Variants in CACNG3 observed in about 807,000 individuals in gnomAD.
The protein encoded by CACNG3 is voltage-dependent calcium channel gamma-3 subunit.
In CACNG3, 3 loss-of-function variants were observed where a neutral mutation model predicts 28.5. The observed-to-expected ratio is 0.11, with a 90% CI of 0.05 to 0.27. The LOEUF is 0.27. Among genes scored for constraint, CACNG3 ranks in the 10% least tolerant of loss-of-function variants. The pLI is 1.00. For synonymous variants in CACNG3, 174 were observed against 162.2 expected (o/e 1.07, Z -0.55); for missense variants, 236 against 414.4 (o/e 0.57, Z 3.74).
chr16:24,309,923 C>T (rs986507662), intron 1 of CACNG3, among the ~76,000 whole-genome samples: 22 of 152,190 alleles, frequency 1.4e-4, no homozygotes, highest in African/African-American at 4.8e-4. Context: ...TGCTACATCG[C>T]GGGGACTTCA....
At chr16:24,332,240 C>T (rs1024377438) in intron 1 of CACNG3, among the ~76,000 whole-genome samples, 13 of 152,064 alleles carry the variant, frequency 8.5e-5, no homozygotes, top group African/African-American at 2.7e-4. Context: ...AGGTGGCAGA[C>T]CAATTGAGGC....
chr16:24,292,145 G>A (rs1397892334), intron 1 of CACNG3, among the ~76,000 whole-genome samples: 1 of 152,122 alleles, frequency 6.6e-6, no homozygotes, highest in Non-Finnish European at 1.5e-5. Context: ...TGAGCAAGGT[G>A]GCAGCTAAGT....
In CACNG3 at chr16:24,361,421, C is replaced by T; in HGVS notation, c.506C>T (p.Ser169Phe). 1 of 1,613,958 alleles carries T rather than the reference C, an allele frequency of 6.2e-7. No homozygotes were observed. Among genetic ancestry groups the T allele is most frequent in the Non-Finnish European group, 8.5e-7 (1 of 1,179,932 alleles). The change falls in exon 4 of 4, where the codon TCC becomes TTC. Residue 169 changes from serine (S) to phenylalanine (F), a missense_variant. By Grantham distance (155) the Ser-to-Phe change is radical. Around this residue, in one of 2 missense-constraint regions of CACNG3, gnomAD observed 120 missense variants for 263.4 expected, o/e 0.46. Transcript: ENST00000005284. The surrounding 1 kb of genome is among the most constrained non-coding windows in gnomAD (Gnocchi z 6.8). Reference protein sequence around the residue: ...ANAGDPGQRDSKKSYSYGWSF... With the variant: ...ANAGDPGQRDFKKSYSYGWSF... ...GCCGGAGACCCCGGGCAGCGTGACT[C>T]CAAAAAAAGTTACTCCTATGGTTGG...
At chr16:24,305,004 C>T (rs1253658914) in intron 1 of CACNG3, among the ~76,000 whole-genome samples, 2 of 152,192 alleles carry the variant, frequency 1.3e-5, no homozygotes, top group African/African-American at 2.4e-5. Flanking sequence ...TTGGTCTCCA[C>T]GCACATCCTT....
At chr16:24,320,717 A>G (rs1899444439) in intron 1 of CACNG3, among the ~76,000 whole-genome samples, 1 of 152,164 alleles carries the variant, frequency 6.6e-6, no homozygotes, top group African/African-American at 2.4e-5. Context: ...GAAACAATTC[A>G]TACGTTTTTC....
intron 1 of CACNG3, among the ~76,000 whole-genome samples, chr16:24,317,231 G>A (rs911458399): frequency 2.2e-4 from 33 of 152,004 alleles, no homozygotes; most frequent in African/African-American, 8.0e-4. Flanking sequence ...ATTCAAACAA[G>A]GTTACATGGG....
At chr16:24,320,798 C>T (rs1289076605) in intron 1 of CACNG3, among the ~76,000 whole-genome samples, 2 of 152,166 alleles carry the variant, frequency 1.3e-5, no homozygotes, top group Non-Finnish European at 2.9e-5. Flanking sequence ...GGCATGATCA[C>T]GTCTCACTGC....
chr16:24,282,071 T>A lies in CACNG3; in HGVS notation c.211+25106T>A, dbSNP rs577638323. 7.9e-5 allele frequency among the ~76,000 whole-genome samples: 12 copies of A among 152,352 alleles called. No individual in the cohort carries two copies. The South Asian group carries it at 2.1e-3, about 26-fold the overall frequency. ...TAGGGTAGGGTTACCAGATGTCCAC[T>A]GCAACGCAGCAGTTTTCAGTGACAG... On this transcript the variant is annotated intron_variant, in intron 1 of 3. Coordinates refer to ENST00000005284, the MANE Select transcript of CACNG3 (RefSeq NM_006539.4).
intron 1 of CACNG3, among the ~76,000 whole-genome samples, chr16:24,292,805 G>A (rs1477390630): frequency 6.6e-6 from 1 of 152,160 alleles, no homozygotes; most frequent in African/African-American, 2.4e-5. Context: ...TAAAATCAAA[G>A]CCAGAATGAA....
intron 1 of CACNG3, among the ~76,000 whole-genome samples, chr16:24,319,193 G>A (rs1005566564): frequency 1.3e-5 from 2 of 152,170 alleles, no homozygotes; most frequent in Admixed American, 6.6e-5. Context: ...AGAAAATGAC[G>A]TTTATTAGGG....
chr16:24,332,532 G>A (rs566390064), intron 1 of CACNG3, among the ~76,000 whole-genome samples: 1 of 151,568 alleles, frequency 6.6e-6, no homozygotes, highest in East Asian at 1.9e-4. Flanking sequence ...CTTTACACCA[G>A]AAGAAAATGT....
intron 1 of CACNG3, among the ~76,000 whole-genome samples, chr16:24,280,314 C>T (rs72781830): frequency 2.0e-5 from 3 of 152,326 alleles, no homozygotes; most frequent in South Asian, 4.1e-4. Context: ...TGGTTTCTGG[C>T]TAATTTCCAT....
At chr16:24,299,060 T>C (rs1212883872) in intron 1 of CACNG3, among the ~76,000 whole-genome samples, 2 of 152,102 alleles carry the variant, frequency 1.3e-5, no homozygotes, top group East Asian at 3.9e-4. Flanking sequence ...TTTCCCCCTT[T>C]CCCTATTGTA....
At chr16:24,353,861 G>A (rs899245115) in intron 2 of CACNG3, among the ~76,000 whole-genome samples, 1 of 152,076 alleles carries the variant, frequency 6.6e-6, no homozygotes, top group Admixed American at 6.5e-5. Context: ...ATACAGGGCT[G>A]GCTGCGTCAT....
In CACNG3 at chr16:24,361,792, A is replaced by G. The variant is rs1177685887; in HGVS notation, c.877A>G (p.Asn293Asp). ...DRDHAFLQFHNSTPKEFKESL... is the reference protein window; with the variant it reads ...DRDHAFLQFHDSTPKEFKESL... Reference sequence around the variant, plus strand: ...GGACCACGCTTTTCTACAGTTCCACAATTCCACACCCAAAGAGTTCAAAGA... The same window carrying G: ...GGACCACGCTTTTCTACAGTTCCACGATTCCACACCCAAAGAGTTCAAAGA... The change falls in exon 4 of 4, where the codon AAT becomes GAT. Residue 293 changes from asparagine (N) to aspartate (D), a missense_variant. Physicochemically the swap from Asn to Asp is conservative, Grantham distance 23 (BLOSUM62 1). Transcript: ENST00000005284. The surrounding 1 kb of genome is among the most constrained non-coding windows in gnomAD (Gnocchi z 6.8). 1 of 1,614,018 alleles carries G rather than the reference A, an allele frequency of 6.2e-7. No homozygotes were observed. Among genetic ancestry groups the G allele is most frequent in the Non-Finnish European group, 8.5e-7 (1 of 1,180,000 alleles).
At chr16:24,302,310 A>T (rs1386479061) in intron 1 of CACNG3, among the ~76,000 whole-genome samples, 3 of 152,176 alleles carry the variant, frequency 2.0e-5, no homozygotes, top group African/African-American at 4.8e-5. Flanking sequence ...ATCACAGCCA[A>T]AGCCTTGCTA....
At chr16:24,331,984 C>G (rs1309768397) in intron 1 of CACNG3, among the ~76,000 whole-genome samples, 1 of 152,164 alleles carries the variant, frequency 6.6e-6, no homozygotes, top group Non-Finnish European at 1.5e-5. Flanking sequence ...ATGGAACTTA[C>G]CACTGAAATT....
chr16:24,355,166 A>G (rs1567226329), intron 3 of CACNG3, among the ~76,000 whole-genome samples, 193 bp downstream of exon 3: 1 of 148,338 alleles, frequency 6.7e-6, no homozygotes, highest in Non-Finnish European at 1.5e-5. Flanking sequence ...GCCGGCATGA[A>G]GGAAAAACAG....
chr16:24,318,680 C>T (rs899610634), intron 1 of CACNG3, among the ~76,000 whole-genome samples: 1 of 152,112 alleles, frequency 6.6e-6, no homozygotes, highest in Non-Finnish European at 1.5e-5. Context: ...AACAGGACAC[C>T]TCCTGTTGCA....
Sources: gnomAD v4.1 joint callset for allele counts (sites outside exome capture counted in the v4.1 genomes callset) on GRCh38, gnomAD v4.1.1 for gene constraint, gnomAD v4.1.1 regional missense constraint, Gnocchi (gnomAD v3.1) non-coding constraint, MANE v1.5 for transcripts, NCBI Gene and HGNC (gene_info 2026-07-23, HGNC 2026-07-21) for gene names.